RMND1: variants seen among roughly 807,000 people sequenced by gnomAD.
The protein encoded by RMND1 is required for meiotic nuclear division 1 homolog.
A neutral mutation model predicts 54.0 loss-of-function variants in RMND1; 41 were observed. The ratio of observed to expected loss-of-function variants is 0.76; its 90% CI spans 0.59 to 0.98. The LOEUF is 0.98. Among genes scored for constraint, RMND1 ranks in the 50% least tolerant of loss-of-function variants. The pLI, the probability that RMND1 is intolerant of heterozygous loss-of-function variation, is 0.00. For missense variants in RMND1, 457 were observed against 532.0 expected (o/e 0.86, Z 1.39); for synonymous variants, 183 against 181.7 (o/e 1.01, Z -0.06).
At chr6:151,441,104 T>C (rs1582966586) in intron 2 of RMND1, among the ~76,000 whole-genome samples, 1 of 152,354 alleles carries the variant, frequency 6.6e-6, no homozygotes, top group South Asian at 2.1e-4. Flanking sequence ...TGTTTTGTTT[T>C]TCTGGCCAAA....
At chr6:151,449,696 C>T (rs1026635173) in intron 1 of RMND1, among the ~76,000 whole-genome samples, 5 of 152,188 alleles carry the variant, frequency 3.3e-5, no homozygotes, top group Admixed American at 2.0e-4. Flanking sequence ...CCTCTGATGC[C>T]GAGCCGAAGC....
At position 151,445,375 on chromosome 6, in the gene RMND1, CTCT is replaced by C. The variant is rs774919323; in HGVS notation, c.434_436del (p.Lys145del). On this transcript the variant is annotated inframe_deletion, in exon 2 of 12. Coordinates refer to ENST00000444024, the MANE Select transcript of RMND1 (RefSeq NM_017909.4). Reference sequence around the variant, plus strand: ...TCTGGTCCTGGATGCTTTTAGTGGTCTCTTCACCTGTGGGAAGTCTTGTTTTGG... The same window carrying C: ...TCTGGTCCTGGATGCTTTTAGTGGTCTCACCTGTGGGAAGTCTTGTTTTGG... The C allele has an allele frequency of 6.2e-7, 1 of 1,613,990 alleles. No homozygotes were observed. Among genetic ancestry groups the C allele is most frequent in the East Asian group, 2.2e-5 (1 of 44,892 alleles).
At chr6:151,429,104 G>T (rs1159456566) in intron 5 of RMND1, among the ~76,000 whole-genome samples, 1 of 148,598 alleles carries the variant, frequency 6.7e-6, no homozygotes, top group Non-Finnish European at 1.5e-5. Flanking sequence ...AGATTATATT[G>T]GTTATATTTT....
chr6:151,439,201 C>A (rs963585280), intron 2 of RMND1, among the ~76,000 whole-genome samples: 1 of 152,170 alleles, frequency 6.6e-6, no homozygotes, highest in African/African-American at 2.4e-5. Context: ...AAACAGAGAC[C>A]TGTGCAGAAA....
At chr6:151,412,784 C>T (rs114962777) in intron 10 of RMND1, among the ~76,000 whole-genome samples, 69 of 152,138 alleles carry the variant, frequency 4.5e-4, no homozygotes, top group African/African-American at 1.6e-3. Flanking sequence ...CGAAGAAGAG[C>T]GAACAAGGGG....
intron 2 of RMND1, among the ~76,000 whole-genome samples, chr6:151,441,434 G>A (rs1035174885): frequency 2.0e-5 from 3 of 152,198 alleles, no homozygotes; most frequent in Non-Finnish European, 4.4e-5. Context: ...GGAATTTCAC[G>A]AGTGATGGGA....
intron 10 of RMND1, among the ~76,000 whole-genome samples, chr6:151,415,279 TTC>T (rs1186618478): frequency 2.0e-5 from 3 of 146,426 alleles, no homozygotes; most frequent in Admixed American, 1.3e-4. Context: ...GAAATAAGAA[TTC>T]TTTTTTTTTT....
chr6:151,449,831 G>C (rs1458913012), intron 1 of RMND1, among the ~76,000 whole-genome samples: 3 of 152,216 alleles, frequency 2.0e-5, no homozygotes, highest in African/African-American at 7.2e-5. Flanking sequence ...GTACTTTTTT[G>C]GTGGAGACGG....
intron 4 of RMND1, among the ~76,000 whole-genome samples, chr6:151,431,489 G>C (rs1264364289): frequency 6.6e-6 from 1 of 152,140 alleles, no homozygotes; most frequent in South Asian, 2.1e-4. Flanking sequence ...TCAGGATACG[G>C]ATTTGAGAGG....
At chr6:151,439,754 G>A (rs943083724) in intron 2 of RMND1, among the ~76,000 whole-genome samples, 3 of 152,150 alleles carry the variant, frequency 2.0e-5, no homozygotes, top group African/African-American at 7.2e-5. Flanking sequence ...CTGCCTCCCC[G>A]GTTCAAGCGA....
Position 151,422,589 on chromosome 6 carries a change from C to T in RMND1, c.954G>A (p.Trp318Ter). 6.5e-7 allele frequency: 1 copy of T among 1,528,170 alleles called. No homozygotes were observed. Among genetic ancestry groups the T allele is most frequent in the Non-Finnish European group, 8.9e-7 (1 of 1,125,846 alleles). The allele number at this position is 1,528,170 out of a possible 1,614,324, so 94.7% of individuals were successfully genotyped here. ...CAATAAATTTATCCAGTGATGCTTC[C>T]CAAATTGCCAGTTTTACTGGGAAAA... ...ALCLSVKLAI[W>*]EASLDKFIES... Residue 318 changes from tryptophan (W) to a stop codon, truncating the protein, a stop_gained, in exon 8 of 12, where the codon TGG becomes TGA. Coordinates refer to ENST00000444024, the MANE Select transcript of RMND1 (RefSeq NM_017909.4). LOFTEE classifies it high-confidence loss of function.
chr6:151,409,414 A>T (rs936344263), intron 10 of RMND1, among the ~76,000 whole-genome samples: 2 of 152,214 alleles, frequency 1.3e-5, no homozygotes, highest in African/African-American at 4.8e-5. Context: ...ATGACTAGAT[A>T]GGTGAGGCTA....
At chr6:151,429,481 TA>T (rs1780395419) in intron 5 of RMND1, among the ~76,000 whole-genome samples, 1 of 152,176 alleles carries the variant, frequency 6.6e-6, no homozygotes, top group African/African-American at 2.4e-5. Context: ...CAGAAATAGA[TA>T]TTTTTTTACA....
intron 4 of RMND1, among the ~76,000 whole-genome samples, chr6:151,432,247 C>G (rs1173674981): frequency 6.6e-6 from 1 of 152,140 alleles, no homozygotes; most frequent in African/African-American, 2.4e-5. Context: ...GAGGCTTGCA[C>G]TGTATTTCTG....
chr6:151,441,715 G>A (rs746548744), intron 2 of RMND1, among the ~76,000 whole-genome samples: 13 of 152,152 alleles, frequency 8.5e-5, no homozygotes, highest in Non-Finnish European at 1.6e-4. Context: ...GCACAGCCCA[G>A]TTCTATGAGG....
intron 1 of RMND1, among the ~76,000 whole-genome samples, chr6:151,449,425 C>T (rs1230216841): frequency 4.6e-5 from 7 of 151,456 alleles, no homozygotes; most frequent in Admixed American, 3.3e-4. Flanking sequence ...ACTACATTAT[C>T]TGTCCTTTAT....
At chr6:151,410,190 G>A (rs2114916684) in intron 10 of RMND1, among the ~76,000 whole-genome samples, 1 of 152,064 alleles carries the variant, frequency 6.6e-6, no homozygotes, top group Non-Finnish European at 1.5e-5. Flanking sequence ...GAGTAGCTGG[G>A]ACTACAGACG....
rs756943038 is a variant in RMND1 at position 151,427,527 on chromosome 6, G to A, written c.785C>T (p.Ala262Val). 2 of 1,612,528 alleles carry A rather than the reference G, an allele frequency of 1.2e-6. No homozygotes were observed. Among genetic ancestry groups the A allele is most frequent in the Non-Finnish European group, 1.7e-6 (2 of 1,178,912 alleles). The change falls in exon 6 of 12, where the codon GCA becomes GTA. Residue 262 changes from alanine (A) to valine (V), a missense_variant. By Grantham distance (64) the Ala-to-Val change is moderately conservative (BLOSUM62 0). Coordinates refer to ENST00000444024, the MANE Select transcript of RMND1 (RefSeq NM_017909.4). Reference sequence around the variant, plus strand: ...TTCTTCATTTTCCCAGTGTACCAGTGCGATTTCATAGGGCTGAATTTCATG... The same window carrying A: ...TTCTTCATTTTCCCAGTGTACCAGTACGATTTCATAGGGCTGAATTTCATG... ...EKHEIQPYEI[A>V]LVHWENEELN...
intron 1 of RMND1, among the ~76,000 whole-genome samples, chr6:151,450,900 A>AC (rs1781158404): frequency 6.6e-6 from 1 of 152,058 alleles, no homozygotes; most frequent in Admixed American, 6.6e-5. Context: ...CGGTGACCTT[A>AC]CCCCCAACCC....
Sources: gnomAD v4.1 joint callset for allele counts (sites outside exome capture counted in the v4.1 genomes callset) on GRCh38, gnomAD v4.1.1 for gene constraint, MANE v1.5 for transcripts, NCBI Gene and HGNC (gene_info 2026-07-23, HGNC 2026-07-21) for gene names.